The following MTUS2 variants were observed in gnomAD, a reference collection of about 807,000 sequenced individuals.
The protein encoded by MTUS2 is microtubule-associated tumor suppressor candidate 2.
In MTUS2, 40 loss-of-function variants were observed where a neutral mutation model predicts 114.1. The ratio of observed to expected loss-of-function variants is 0.35; its 90% CI spans 0.27 to 0.46. MTUS2 has a LOEUF of 0.46. MTUS2 is among the 20% of genes least tolerant of loss of function. The pLI is 1.00. For synonymous variants in MTUS2, 688 were observed against 672.0 expected (o/e 1.02, Z -0.37); for missense variants, 1,679 against 1,705.4 (o/e 0.98, Z 0.27).
intron 8 of MTUS2, among the ~76,000 whole-genome samples, chr13:29,392,769 A>G (rs1873608739): frequency 2.0e-5 from 3 of 151,052 alleles, no homozygotes; most frequent in Admixed American, 2.0e-4. Context: ...TCCAGTTTCA[A>G]CCTGGGATAA....
intron 5 of MTUS2, among the ~76,000 whole-genome samples, chr13:29,177,572 T>C (rs1054607859): frequency 3.3e-5 from 5 of 152,182 alleles, no homozygotes; most frequent in Non-Finnish European, 5.9e-5. Context: ...ACACAGTGCT[T>C]TCTCAGTAGA....
chr13:29,491,977 G>A (rs1882160000), intron 11 of MTUS2, among the ~76,000 whole-genome samples: 1 of 146,884 alleles, frequency 6.8e-6, no homozygotes, highest in African/African-American at 2.5e-5. Flanking sequence ...GATGTGTGTG[G>A]TAGGTGTGTG....
intron 2 of MTUS2, among the ~76,000 whole-genome samples, chr13:28,984,155 CAT>C (rs1444546819): frequency 3.3e-5 from 5 of 152,182 alleles, no homozygotes; most frequent in African/African-American, 9.7e-5. Context: ...GCTGAGCACT[CAT>C]GTGAACTTTG....
At chr13:29,239,032 G>A (rs535733959) in intron 5 of MTUS2, among the ~76,000 whole-genome samples, 5 of 152,202 alleles carry the variant, frequency 3.3e-5, no homozygotes, top group Non-Finnish European at 5.9e-5. Context: ...GAGATCTAAC[G>A]TACAGCATGG....
intron 5 of MTUS2, among the ~76,000 whole-genome samples, chr13:29,123,713 AAC>A (rs148983552): frequency 5.3e-5 from 8 of 151,310 alleles, no homozygotes; most frequent in African/African-American, 1.2e-4. Flanking sequence ...TCTCAAAACA[AAC>A]ACACACACAC....
At chr13:28,881,990 G>T (rs531310008) in intron 2 of MTUS2, among the ~76,000 whole-genome samples, 2 of 152,166 alleles carry the variant, frequency 1.3e-5, no homozygotes, top group African/African-American at 4.8e-5. Context: ...AATGGTGCTA[G>T]GACAATAGGA....
intron 8 of MTUS2, among the ~76,000 whole-genome samples, chr13:29,359,888 C>A (rs909667070): frequency 6.6e-6 from 1 of 152,138 alleles, no homozygotes; most frequent in Non-Finnish European, 1.5e-5. Flanking sequence ...CCGTTCACGT[C>A]GGCTGTTGAT....
At chr13:29,003,594 A>G (rs1043294362) in intron 2 of MTUS2, among the ~76,000 whole-genome samples, 2 of 152,164 alleles carry the variant, frequency 1.3e-5, no homozygotes, top group African/African-American at 2.4e-5. Context: ...GTACTGTATC[A>G]CCAGATGTCA....
At chr13:29,080,727 CTCTT>C (rs1301499381) in intron 4 of MTUS2, among the ~76,000 whole-genome samples, 1 of 151,988 alleles carries the variant, frequency 6.6e-6, no homozygotes, top group African/African-American at 2.4e-5. Context: ...CTCTCTCTCT[CTCTT>C]TTTCTTTTTT....
chr13:29,309,192 A>G (rs1351272192), intron 6 of MTUS2, among the ~76,000 whole-genome samples: 5 of 152,228 alleles, frequency 3.3e-5, no homozygotes, highest in African/African-American at 9.6e-5. Flanking sequence ...CCCATCAATG[A>G]TAGACTGGAT....
At chr13:29,173,516 A>G (rs926531571) in intron 5 of MTUS2, among the ~76,000 whole-genome samples, 1 of 152,186 alleles carries the variant, frequency 6.6e-6, no homozygotes, top group Non-Finnish European at 1.5e-5. Flanking sequence ...TCTGTCACCC[A>G]TCTGTAATTT....
intron 2 of MTUS2, among the ~76,000 whole-genome samples, chr13:28,932,938 G>A (rs1881692568): frequency 1.3e-5 from 2 of 152,028 alleles, no homozygotes; most frequent in South Asian, 4.2e-4. Context: ...TGAAAATATG[G>A]GATATACATC....
In MTUS2 at chr13:28,993,314, G is replaced by C. The variant is rs534404387; in HGVS notation, c.-242-31143G>C. ...TTATTTTATTTTTTGAGGAATTGCC[G>C]TACTGTTTTCTCTAGCAGCTGTACC... On this transcript the variant is annotated intron_variant, in intron 2 of 15. Transcript: ENST00000612955. Among the ~76,000 whole-genome samples the C allele has an allele frequency of 2.6e-5, 4 of 152,246 alleles. No homozygotes were observed. In the South Asian group the frequency reaches 8.3e-4, roughly 32 times the overall value.
intron 5 of MTUS2, among the ~76,000 whole-genome samples, chr13:29,192,572 A>G (rs1894491388): frequency 6.6e-6 from 1 of 152,200 alleles, no homozygotes; most frequent in African/African-American, 2.4e-5. Context: ...AAGAAATGAT[A>G]AATGTTTGAG....
At chr13:28,839,376 C>T (rs1050550295) in intron 1 of MTUS2, among the ~76,000 whole-genome samples, 1 of 152,002 alleles carries the variant, frequency 6.6e-6, no homozygotes, top group Non-Finnish European at 1.5e-5. Context: ...ACAAAATGGA[C>T]GTGATTATTC....
At chr13:29,222,489 T>C (rs1175645276) in intron 5 of MTUS2, among the ~76,000 whole-genome samples, 1 of 152,254 alleles carries the variant, frequency 6.6e-6, no homozygotes, top group East Asian at 1.9e-4. Context: ...ATAACTGATA[T>C]TTATGATCTT....
chr13:29,462,808 A>C (rs1212238889), intron 9 of MTUS2, among the ~76,000 whole-genome samples: 1 of 152,102 alleles, frequency 6.6e-6, no homozygotes, highest in African/African-American at 2.4e-5. Context: ...ATGGAGACCG[A>C]GTGAAACCCC....
chr13:28,996,292 C>A (rs943234103), intron 2 of MTUS2, among the ~76,000 whole-genome samples: 3 of 152,066 alleles, frequency 2.0e-5, no homozygotes, highest in Non-Finnish European at 4.4e-5. Flanking sequence ...TAGCTGGATT[C>A]CGTTTGCCAG....
At chr13:28,824,371 CTAGTCTCTGTAGATGGGTA>C (rs1874121767) in intron 1 of MTUS2, among the ~76,000 whole-genome samples, 1 of 152,320 alleles carries the variant, frequency 6.6e-6, no homozygotes, top group African/African-American at 2.4e-5. Context: ...GCTCTGTCCT[CTAGTCTCTGTAGATGGGTA>C]GGAGCCTAAC....
Sources: allele counts gnomAD v4.1 joint callset (sites outside exome capture counted in the v4.1 genomes callset), GRCh38; gene constraint gnomAD v4.1.1; transcripts MANE v1.5; gene names NCBI Gene and HGNC (gene_info 2026-07-23, HGNC 2026-07-21).